IL18R1: variants seen among roughly 807,000 people sequenced by gnomAD.
The protein encoded by IL18R1 is interleukin-18 receptor 1.
IL18R1 carries 40 observed loss-of-function variants against 48.5 expected under a neutral mutation model. That is an observed-to-expected ratio of 0.82 (90% CI 0.64 to 1.07). IL18R1 has a LOEUF of 1.07. Among genes scored for constraint, IL18R1 ranks in the 50% least tolerant of loss-of-function variants. The pLI, the probability that IL18R1 is intolerant of heterozygous loss-of-function variation, is 0.00. For synonymous variants in IL18R1, 232 were observed against 225.9 expected, an observed-to-expected ratio of 1.03 and a Z score of -0.24; for missense variants, 596 against 633.7, an observed-to-expected ratio of 0.94 and a Z score of 0.64.
Position 102,396,861 on chromosome 2 carries a change from T to C in IL18R1, c.1601T>C (p.Val534Ala). The part of the protein sequence containing the change: ...TVKPGRDEPE[V>A]LPVLSES ...AAGCCAGGTAGAGACGAACCGGAAG[T>C]CTTGCCTGTTCTTTCCGAGTCTTAA... Residue 534 changes from valine (V) to alanine (A), a missense_variant, in exon 11 of 11, where the codon GTC (valine) becomes GCC (alanine). Coordinates refer to ENST00000233957, the MANE Select transcript of IL18R1 (RefSeq NM_003855.5). 3.1e-6 allele frequency: 5 copies of C among 1,588,848 alleles called. No individual in the cohort carries two copies. The highest frequency in any genetic ancestry group is 4.3e-6 in the Non-Finnish European group (5 of 1,171,812).
intron 4 of IL18R1, among the ~76,000 whole-genome samples, chr2:102,372,862 C>A (rs565526956): frequency 6.6e-6 from 1 of 152,140 alleles, no homozygotes; most frequent in East Asian, 1.9e-4. Context: ...TCCACAAATC[C>A]TTGGGTGTTT....
chr2:102,362,740 C>A, intron 2 of IL18R1, 22 bp downstream of exon 2: 1 of 1,418,684 alleles, frequency 7.0e-7, no homozygotes, highest in Non-Finnish European at 9.8e-7. Flanking sequence ...TACATACTCT[C>A]AAACATATTT....
At chr2:102,391,917 G>A (rs565068099) in intron 9 of IL18R1, among the ~76,000 whole-genome samples, 13 of 152,088 alleles carry the variant, frequency 8.5e-5, no homozygotes, top group South Asian at 2.1e-4. Flanking sequence ...TTTATTTTGC[G>A]TATTTATTTC....
rs903262154 is a variant in IL18R1 at position 102,394,694 on chromosome 2, C to T, written c.1270+67C>T. ...CTTTTTAAAAAATGAATGAGCTAGC[C>T]CCCAGAGAGCTATCCCATTTTCCTT... On this transcript the variant is annotated intron_variant, in intron 10 of 10. Transcript: ENST00000233957. 4.2e-5 allele frequency: 56 copies of T among 1,348,822 alleles called. 1 individual carries two copies. The highest frequency in any genetic ancestry group is 4.1e-4 in the Middle Eastern group (2 of 4,822). The allele number at this position is 1,348,822 out of a possible 1,614,324, so 83.6% of individuals were successfully genotyped here.
chr2:102,396,452 A>G, intron 10 of IL18R1, 79 bp from the exon 11 acceptor site: 1 of 786,454 alleles, frequency 1.3e-6, no homozygotes, highest in Admixed American at 2.6e-5. Flanking sequence ...ATATAAAATA[A>G]GACTGTGCAA....
intron 9 of IL18R1, among the ~76,000 whole-genome samples, chr2:102,391,934 C>G (rs530824701): frequency 1.6e-4 from 25 of 152,198 alleles, no homozygotes; most frequent in Admixed American, 9.8e-4. Flanking sequence ...TTTCTAGGAG[C>G]TATTTATATT....
chr2:102,385,035 A>T, intron 7 of IL18R1, 37 bp downstream of exon 7: 1 of 1,143,952 alleles, frequency 8.7e-7, no homozygotes, highest in African/African-American at 1.6e-5. Flanking sequence ...GATATATACC[A>T]TATAACAATC....
chr2:102,369,182 C>T lies in IL18R1; in HGVS notation c.302+1114C>T, dbSNP rs571083677. On this transcript the variant is annotated intron_variant, in intron 3 of 10. Coordinates refer to ENST00000233957, the MANE Select transcript of IL18R1 (RefSeq NM_003855.5). Reference sequence around the variant, plus strand: ...GGGGTAAAGGAAAAAGAACAACAAACACCGCCCCCCCCACCACAAACTTCC... The same window carrying T: ...GGGGTAAAGGAAAAAGAACAACAAATACCGCCCCCCCCACCACAAACTTCC... 2.6e-4 allele frequency among the ~76,000 whole-genome samples: 15 copies of T among 58,112 alleles called. 1 individual carries two copies. In the South Asian group the frequency reaches 4.4e-3, roughly 17 times the overall value. The allele number at this position is 58,112 out of a possible 152,430, so 38.1% of individuals were successfully genotyped here.
At chr2:102,359,456 G>A (rs1017542513) in intron 1 of IL18R1, among the ~76,000 whole-genome samples, 3 of 152,106 alleles carry the variant, frequency 2.0e-5, no homozygotes, top group Non-Finnish European at 4.4e-5. Context: ...TAACAAAAGA[G>A]AGAAAGTAAA....
At chr2:102,371,827 T>C (rs1396423605) in intron 3 of IL18R1, 126 bp from the exon 4 acceptor site, 1 of 610,888 alleles carries the variant, frequency 1.6e-6, no homozygotes. Flanking sequence ...GGTTTGCACA[T>C]CAATGAATCA....
chr2:102,368,617 G>C (rs181752400), intron 3 of IL18R1, among the ~76,000 whole-genome samples: 1 of 152,154 alleles, frequency 6.6e-6, no homozygotes, highest in African/African-American at 2.4e-5. Context: ...AGGGCAACAC[G>C]GAAGGGCTTT....
chr2:102,372,098 A>G lies in IL18R1; in HGVS notation c.448A>G (p.Asn150Asp), dbSNP rs746601953. The change falls in exon 4 of 11, where the codon AAC becomes GAC. Residue 150 changes from asparagine (N) to aspartate (D), a missense_variant. Around this residue, in one of 3 missense-constraint regions of IL18R1, gnomAD observed 360 missense variants for 339.4 expected, o/e 1.06. Transcript: ENST00000233957. The part of the protein sequence containing the change: ...CENSYYQTLV[N>D]STSLYKNCKK... ...AAACAGTTACTATCAAACACTGGTC[A>G]ACAGCACATCATTGTATAAGGTAAT... 1 of 1,600,954 alleles carries G rather than the reference A, an allele frequency of 6.2e-7. No homozygotes were observed. Among genetic ancestry groups the G allele is most frequent in the Non-Finnish European group, 8.5e-7 (1 of 1,176,744 alleles).
intron 6 of IL18R1, 57 bp downstream of exon 6, chr2:102,381,739 TC>T (rs1679932556): frequency 9.0e-7 from 1 of 1,109,018 alleles, no homozygotes; most frequent in Non-Finnish European, 1.4e-6. Flanking sequence ...AATAGAGCCT[TC>T]CAAGCGTAAA....
chr2:102,356,978 T>C (rs971425471), intron 1 of IL18R1, among the ~76,000 whole-genome samples: 2 of 152,210 alleles, frequency 1.3e-5, no homozygotes, highest in Admixed American at 6.5e-5. Flanking sequence ...TCCAAGATTA[T>C]TGTATTCATT....
intron 3 of IL18R1, among the ~76,000 whole-genome samples, chr2:102,370,627 G>A (rs762601374): frequency 2.6e-5 from 4 of 152,230 alleles, no homozygotes; most frequent in Non-Finnish European, 5.9e-5. Flanking sequence ...GTAGAATTGT[G>A]CAGAGCACTT....
Position 102,397,145 on chromosome 2 carries a change from G to T in IL18R1, c.*259G>T, listed in dbSNP as rs1297999944. ...TTTTCTCCCTCTTTCATAACTGGAT[G>T]CAGCTGCTCATACTCAATCCCATAT... On this transcript the variant is annotated 3_prime_UTR_variant, in exon 11 of 11. Coordinates refer to ENST00000233957, the MANE Select transcript of IL18R1 (RefSeq NM_003855.5). 2 of 403,374 alleles carry T rather than the reference G, an allele frequency of 5.0e-6. No homozygotes were observed. The highest frequency in any genetic ancestry group is 4.1e-5 in the African/African-American group (2 of 48,464). The allele number at this position is 403,374 out of a possible 1,614,324, so 25.0% of individuals were successfully genotyped here.
At chr2:102,360,802 C>T (rs145716090) in intron 1 of IL18R1, among the ~76,000 whole-genome samples, 262 of 152,210 alleles carry the variant, frequency 1.7e-3, no homozygotes, top group African/African-American at 5.8e-3. Flanking sequence ...ACATGTGAGA[C>T]ATTTAATATT....
At chr2:102,383,847 C>T (rs1189258610) in intron 6 of IL18R1, among the ~76,000 whole-genome samples, 2 of 151,952 alleles carry the variant, frequency 1.3e-5, no homozygotes, top group East Asian at 1.9e-4. Context: ...TGAAAATGAC[C>T]ATATTTCCAT....
rs199966642 is a variant in IL18R1, at chr2:102,375,963, C to G, written c.525C>G (p.Ala175=). Reference sequence around the variant, plus strand: ...AAAACCCAACGATAAAGAAGAACGCCGAGTTTGAAGATCAGGGGTATTACT... The same window carrying G: ...AAAACCCAACGATAAAGAAGAACGCGGAGTTTGAAGATCAGGGGTATTACT... ...NNKNPTIKKN[A]EFEDQGYYSC... Residue 175 remains alanine (A), a synonymous_variant, in exon 5 of 11, where the codon GCC becomes GCG. Coordinates refer to ENST00000233957, the MANE Select transcript of IL18R1 (RefSeq NM_003855.5). 3.1e-6 allele frequency: 5 copies of G among 1,605,642 alleles called. No individual in the cohort carries two copies. Among genetic ancestry groups the G allele is most frequent in the Non-Finnish European group, 3.4e-6 (4 of 1,177,032 alleles).
Sources: allele counts gnomAD v4.1 joint callset (sites outside exome capture counted in the v4.1 genomes callset), GRCh38; gene constraint gnomAD v4.1.1; regional missense constraint gnomAD v4.1.1; transcripts MANE v1.5; gene names NCBI Gene and HGNC (gene_info 2026-07-23, HGNC 2026-07-21).